FANCB: variants seen among roughly 807,000 people sequenced by gnomAD.
The protein encoded by FANCB is FA complementation group B, also known as Fanconi anemia group B protein.
In FANCB, 5 loss-of-function variants were observed where a neutral mutation model predicts 38.9. The observed-to-expected ratio is 0.13, with a 90% confidence interval of 0.07 to 0.27. The LOEUF is 0.27. Ranked by LOEUF, FANCB falls within the 10% of genes least tolerant of loss-of-function variation. The pLI is 1.00. For missense variants in FANCB, 573 were observed against 602.7 expected (o/e 0.95, Z 0.52); for synonymous variants, 236 against 215.4 (o/e 1.10, Z -0.84).
rs185118376 is a variant in FANCB, at chrX:14,868,963, T to A, written c.-111A>T. 8.9e-6 allele frequency: 1 copy of A among 112,045 alleles called. No homozygotes were observed. The highest frequency in any genetic ancestry group is 1.9e-5 in the Non-Finnish European group (1 of 53,089). The allele number at this position is 112,045 out of a possible 1,213,427, so 9.2% of individuals were successfully genotyped here. ...CAATTAACAGAAAGATCTGGGACAA[T>A]AGGCATCACAAAGTAGTTTCAGCTT... On this transcript the variant is annotated 5_prime_UTR_variant, in exon 2 of 10. Coordinates refer to ENST00000650831, the MANE Select transcript of FANCB (RefSeq NM_001018113.3).
chrX:14,750,145 A>G, the FANCB span, among the ~76,000 whole-genome samples: 3 of 112,279 alleles, frequency 2.7e-5, no homozygotes, highest in South Asian at 1.1e-3. Context: ...ATGATTCTCA[A>G]ATATGTTTTC....
the FANCB span, among the ~76,000 whole-genome samples, chrX:14,780,888 T>C: frequency 9.2e-6 from 1 of 108,981 alleles, no homozygotes; most frequent in African/African-American, 3.5e-5. Context: ...AAACAGGTAA[T>C]GGACGAATTT....
the FANCB span, among the ~76,000 whole-genome samples, chrX:14,699,380 G>C: frequency 0.011 from 1,227 of 112,229 alleles, 16 homozygotes; most frequent in African/African-American, 0.037. Context: ...GTGGCTGCTT[G>C]AGAACATGGT....
chrX:14,862,633 G>A (rs1432146421), intron 3 of FANCB, among the ~76,000 whole-genome samples: 2 of 111,894 alleles, frequency 1.8e-5, no homozygotes, highest in Non-Finnish European at 3.8e-5. Context: ...ACTGATGACA[G>A]CCCTGGCTTT....
the FANCB span, among the ~76,000 whole-genome samples, chrX:14,826,152 C>T: frequency 3.1e-3 from 348 of 112,203 alleles, 1 homozygote; most frequent in African/African-American, 0.01. Context: ...GGCTAGCTCT[C>T]CCATTTCTTG....
the FANCB span, among the ~76,000 whole-genome samples, chrX:14,768,041 T>C: frequency 2.7e-5 from 3 of 112,002 alleles, no homozygotes; most frequent in Non-Finnish European, 3.8e-5. Context: ...TTGGTCTATA[T>C]GTCTGTTCTT....
At chrX:14,810,690 T>C in the FANCB span, among the ~76,000 whole-genome samples, 335 of 111,829 alleles carry the variant, frequency 3.0e-3, 1 homozygote, top group African/African-American at 9.9e-3. Flanking sequence ...CTACGTCTGA[T>C]TGGTGTACCT....
chrX:14,830,147 C>T, the FANCB span, among the ~76,000 whole-genome samples: 1 of 111,815 alleles, frequency 8.9e-6, no homozygotes, highest in East Asian at 2.8e-4. Flanking sequence ...AGTCAGAACA[C>T]ACATGTTGAT....
chrX:14,823,186 G>A, the FANCB span, among the ~76,000 whole-genome samples: 1 of 100,429 alleles, frequency 1.0e-5, no homozygotes, highest in Non-Finnish European at 2.0e-5. Flanking sequence ...AGTTTCAAGC[G>A]ATTCTCCTAC....
At chrX:14,700,580 C>T in the FANCB span, among the ~76,000 whole-genome samples, 1 of 111,467 alleles carries the variant, frequency 9.0e-6, no homozygotes, top group Non-Finnish European at 1.9e-5. Context: ...TAAGAAGCAG[C>T]CATGGATTTT....
chrX:14,833,465 G>A (rs992175020), downstream of FANCB, among the ~76,000 whole-genome samples: 7 of 112,039 alleles, frequency 6.2e-5, no homozygotes, highest in Non-Finnish European at 9.4e-5. Flanking sequence ...CTAGACTTAC[G>A]GAATCACAAA....
At chrX:14,730,639 A>G in the FANCB span, 1 of 454,106 alleles carries the variant, frequency 2.2e-6, no homozygotes, top group African/African-American at 2.4e-5. Flanking sequence ...ACATGAAAAA[A>G]AAGACAAGTT....
chrX:14,822,998 A>AC, the FANCB span, among the ~76,000 whole-genome samples: 4 of 108,713 alleles, frequency 3.7e-5, no homozygotes, highest in East Asian at 1.2e-3. Flanking sequence ...CTGAAAAATG[A>AC]TTCTACTCTG....
the FANCB span, among the ~76,000 whole-genome samples, chrX:14,783,244 T>G: frequency 1.6e-4 from 18 of 112,511 alleles, no homozygotes; most frequent in African/African-American, 5.8e-4. Context: ...CCAAGTTTGC[T>G]TGCTGAATCA....
the FANCB span, among the ~76,000 whole-genome samples, chrX:14,814,577 T>C: frequency 1.8e-5 from 2 of 112,410 alleles, no homozygotes; most frequent in Non-Finnish European, 1.9e-5. Flanking sequence ...AAAATGCTCA[T>C]CATCACTGGT....
chrX:14,845,632 G>A (rs919660527), intron 7 of FANCB, among the ~76,000 whole-genome samples: 3 of 111,256 alleles, frequency 2.7e-5, no homozygotes, highest in African/African-American at 9.8e-5. Flanking sequence ...ATAATGCCAG[G>A]ATTTTATCTT....
chrX:14,776,443 C>A, the FANCB span, among the ~76,000 whole-genome samples: 3 of 111,430 alleles, frequency 2.7e-5, no homozygotes, highest in Non-Finnish European at 5.7e-5. Flanking sequence ...GGAATTTGTG[C>A]CCGAACCTCT....
In FANCB at chrX:14,843,608, A is replaced by G; in HGVS notation, c.2539T>C (p.Leu847=). The change falls in exon 10 of 10, where the codon TTG becomes CTG. Residue 847 remains leucine (L), a synonymous_variant. Transcript: ENST00000650831. ...EITLKVAEVQ[L]KSDFAAQKLS... is the part of the protein sequence containing the mutation. ...TTCTGTGCAGCAAAGTCTGATTTCA[A>G]CTGAACCTCAGCTACTTTCAAAGTT... is the stretch of plus-strand genomic sequence containing the variant. 8.3e-7 allele frequency: 1 copy of G among 1,205,224 alleles called. No individual in the cohort carries two copies. The highest frequency in any genetic ancestry group is 1.1e-6 in the Non-Finnish European group (1 of 891,580).
the FANCB span, among the ~76,000 whole-genome samples, chrX:14,732,582 G>A: frequency 8.9e-6 from 1 of 111,980 alleles, no homozygotes; most frequent in Admixed American, 9.4e-5. Flanking sequence ...TATTTTAACT[G>A]GTGTGAGATG....
Sources: gnomAD v4.1 joint callset for allele counts (sites outside exome capture counted in the v4.1 genomes callset) on GRCh38, gnomAD v4.1.1 for gene constraint, MANE v1.5 for transcripts, NCBI Gene and HGNC (gene_info 2026-07-23, HGNC 2026-07-21) for gene names.